Variants in AGPAT4 observed in about 807,000 individuals in gnomAD.
AGPAT4 encodes the protein 1-acylglycerol-3-phosphate O-acyltransferase 4, also known as 1-acyl-sn-glycerol-3-phosphate acyltransferase delta.
A neutral mutation model predicts 48.0 loss-of-function variants in AGPAT4; 15 were observed. That is an observed-to-expected ratio of 0.31 (90% CI 0.21 to 0.48). The LOEUF (loss-of-function observed/expected upper bound fraction) is 0.48, where lower values mean the gene tolerates loss of function less well. Among genes scored for constraint, AGPAT4 ranks in the 20% least tolerant of loss-of-function variants. The pLI is 0.99. For missense variants in AGPAT4, 314 were observed against 482.5 expected (o/e 0.65, Z 3.27); for synonymous variants, 178 against 198.7 (o/e 0.90, Z 0.88).
chr6:161,219,942 G>A lies in AGPAT4; in HGVS notation c.178+12094C>T, dbSNP rs13199502. Among the ~76,000 whole-genome samples, 47,249 of 141,826 alleles carry A rather than the reference G, an allele frequency of 0.33. 8,440 individuals carry two copies. The highest frequency in any genetic ancestry group is 0.4 in the Non-Finnish European group (26,854 of 66,732). The allele number at this position is 141,826 out of a possible 152,430, so 93.0% of individuals were successfully genotyped here. The stretch of plus-strand genomic sequence containing the variant: ...GGCAGGCAGGCAGGCAGGCAGGCAG[G>A]CAGGCAGACAGACAGACAGACAGAC... On this transcript the variant is annotated intron_variant, in intron 2 of 8. Transcript: ENST00000320285. This position sits in a 1 kb window ranked among gnomAD's most constrained non-coding sequence, Gnocchi z 4.9.
intron 1 of AGPAT4, among the ~76,000 whole-genome samples, chr6:161,268,944 G>C (rs551566949): frequency 6.6e-6 from 1 of 152,310 alleles, no homozygotes; most frequent in African/African-American, 2.4e-5. Flanking sequence ...ATGCACTGCT[G>C]TTACTATTAA....
At position 161,138,241 on chromosome 6, in the gene AGPAT4, A is replaced by C. The variant is rs985893751; in HGVS notation, c.1042+1181T>G. ...CCTTACACGGTGTGGGTGTTGTTTT[A>C]ATATTTTAATTTTTAACACTAAAAT... On this transcript the variant is annotated intron_variant, in intron 8 of 8. Transcript: ENST00000320285. This position sits in a 1 kb window ranked among gnomAD's most constrained non-coding sequence, Gnocchi z 4.8. Among the ~76,000 whole-genome samples the C allele has an allele frequency of 3.3e-5, 5 of 152,186 alleles. No homozygotes were observed. Among genetic ancestry groups the C allele is most frequent in the Non-Finnish European group, 5.9e-5 (4 of 68,026 alleles).
chr6:161,256,692 C>T (rs557417537), intron 1 of AGPAT4, among the ~76,000 whole-genome samples: 1 of 152,274 alleles, frequency 6.6e-6, no homozygotes, highest in East Asian at 1.9e-4. Context: ...TGTACACAGT[C>T]GACACTGACA....
rs1783258096 is a variant in AGPAT4, at chr6:161,266,134, G to A, written c.-90+7804C>T. Among the ~76,000 whole-genome samples, 1 of 152,114 alleles carries A rather than the reference G, an allele frequency of 6.6e-6. No individual in the cohort carries two copies. ...AAGTAGGAGTGGGGTGACTACTCCT[G>A]GCATGTAACAGTTAGAGGCCAGGAA... On this transcript the variant is annotated intron_variant, in intron 1 of 8. Transcript: ENST00000320285. The surrounding 1 kb of genome is among the most constrained non-coding windows in gnomAD (Gnocchi z 6.2).
chr6:161,165,882 G>A lies in AGPAT4; in HGVS notation c.348+366C>T. On this transcript the variant is annotated intron_variant, in intron 3 of 8. Transcript: ENST00000320285. This position sits in a 1 kb window ranked among gnomAD's most constrained non-coding sequence, Gnocchi z 5.5. Reference sequence around the variant, plus strand: ...AGCATGGAATTAAGAAATATGGATGGGAGTGAAATCCAAATCTAATTACAG... The same window carrying A: ...AGCATGGAATTAAGAAATATGGATGAGAGTGAAATCCAAATCTAATTACAG... 1.7e-6 allele frequency: 1 copy of A among 595,168 alleles called. No individual in the cohort carries two copies. The highest frequency in any genetic ancestry group is 2.0e-5 in the South Asian group (1 of 50,474). 36.9% of individuals were successfully genotyped at this position (595,168 alleles called of 1,614,324 possible).
rs779533228 is a variant in AGPAT4, at chr6:161,240,386, C to T, written c.-89-8084G>A. Reference sequence around the variant, plus strand: ...CAAGATCCCTTCCAAGTCAAACACACGGCTGCCCTCCCAAGGCAAGCTTTT... The same window carrying T: ...CAAGATCCCTTCCAAGTCAAACACATGGCTGCCCTCCCAAGGCAAGCTTTT... On this transcript the variant is annotated intron_variant, in intron 1 of 8. Coordinates refer to ENST00000320285, the MANE Select transcript of AGPAT4 (RefSeq NM_020133.3). This position sits in a 1 kb window ranked among gnomAD's most constrained non-coding sequence, Gnocchi z 5.5. Among the ~76,000 whole-genome samples the T allele has an allele frequency of 1.3e-5, 2 of 152,132 alleles. No individual in the cohort carries two copies. Among genetic ancestry groups the T allele is most frequent in the Non-Finnish European group, 2.9e-5 (2 of 68,002 alleles).
At chr6:161,273,416 A>G (rs1783487527) in intron 1 of AGPAT4, among the ~76,000 whole-genome samples, 1 of 152,218 alleles carries the variant, frequency 6.6e-6, no homozygotes, top group Non-Finnish European at 1.5e-5. Flanking sequence ...GCAGAGCAGA[A>G]AGCTGCAAAC....
intron 1 of AGPAT4, among the ~76,000 whole-genome samples, chr6:161,257,399 A>T (rs1431269376): frequency 6.6e-6 from 1 of 152,200 alleles, no homozygotes; most frequent in African/African-American, 2.4e-5. Context: ...CAGAAACTGG[A>T]TCACTGATTG....
At position 161,142,123 on chromosome 6, in the gene AGPAT4, G is replaced by GCCAAA. The variant is rs1779271564; in HGVS notation, c.844-2504_844-2503insTTTGG. Reference sequence around the variant, plus strand: ...CCTGCCTCAGCCTCCCAAAGTGTTGGGATTACAGGCGTGAGCCATTGCGCC... The same window carrying GCCAAA: ...CCTGCCTCAGCCTCCCAAAGTGTTGGCCAAAGATTACAGGCGTGAGCCATTGCGCC... On this transcript the variant is annotated intron_variant, in intron 7 of 8. Coordinates refer to ENST00000320285, the MANE Select transcript of AGPAT4 (RefSeq NM_020133.3). The surrounding 1 kb of genome is among the most constrained non-coding windows in gnomAD (Gnocchi z 6.4). 6.6e-6 allele frequency among the ~76,000 whole-genome samples: 1 copy of GCCAAA among 152,206 alleles called. No individual in the cohort carries two copies. Among genetic ancestry groups the GCCAAA allele is most frequent in the Non-Finnish European group, 1.5e-5 (1 of 68,040 alleles).
Position 161,236,742 on chromosome 6 carries a change from A to C in AGPAT4, c.-89-4440T>G, listed in dbSNP as rs1335415766. 6.8e-6 allele frequency among the ~76,000 whole-genome samples: 1 copy of C among 147,232 alleles called. No individual in the cohort carries two copies. The highest frequency in any genetic ancestry group is 1.5e-5 in the Non-Finnish European group (1 of 66,666). The stretch of plus-strand genomic sequence containing the variant: ...AAACCCCATCTCCACTAAAAATACA[A>C]AAAAAAAAAAATAGCTGGATGTGGT... On this transcript the variant is annotated intron_variant, in intron 1 of 8. Coordinates refer to ENST00000320285, the MANE Select transcript of AGPAT4 (RefSeq NM_020133.3). The surrounding 1 kb of genome is among the most constrained non-coding windows in gnomAD (Gnocchi z 5.0).
Position 161,178,034 on chromosome 6 carries a change from G to T in AGPAT4, c.179-11617C>A, listed in dbSNP as rs536855127. On this transcript the variant is annotated intron_variant, in intron 2 of 8. Transcript: ENST00000320285. This position sits in a 1 kb window ranked among gnomAD's most constrained non-coding sequence, Gnocchi z 5.1. ...AAAGCTTCGTCTCAGAGGGGCACCT[G>T]ACTGTATGTGGTGTCAAATGGCCCC... 1.8e-4 allele frequency among the ~76,000 whole-genome samples: 28 copies of T among 152,330 alleles called. No homozygotes were observed. Among genetic ancestry groups the T allele is most frequent in the African/African-American group, 6.3e-4 (26 of 41,584 alleles).
chr6:161,182,280 CA>C (rs1166996423), intron 2 of AGPAT4, among the ~76,000 whole-genome samples: 11 of 149,400 alleles, frequency 7.4e-5, no homozygotes, highest in Admixed American at 5.3e-4. Flanking sequence ...CTCATCCCAG[CA>C]CCTCATCCCA....
chr6:161,192,632 C>T (rs1780958682), intron 2 of AGPAT4, among the ~76,000 whole-genome samples: 1 of 152,066 alleles, frequency 6.6e-6, no homozygotes, highest in South Asian at 2.1e-4. Flanking sequence ...ATTCTTGTAT[C>T]TCAGGTCATC....
intron 1 of AGPAT4, among the ~76,000 whole-genome samples, chr6:161,258,162 T>C (rs1338046045): frequency 3.3e-5 from 5 of 152,170 alleles, no homozygotes; most frequent in Non-Finnish European, 5.9e-5. Flanking sequence ...ATGACACTTT[T>C]TTTCCTCCAT....
chr6:161,151,469 G>C (rs542898331), intron 5 of AGPAT4, among the ~76,000 whole-genome samples: 24 of 152,366 alleles, frequency 1.6e-4, no homozygotes, highest in Admixed American at 1.5e-3. Context: ...GCCCAACCCA[G>C]AGGGGATGGA....
At chr6:161,203,512 C>T (rs370144348) in intron 2 of AGPAT4, among the ~76,000 whole-genome samples, 12 of 151,900 alleles carry the variant, frequency 7.9e-5, no homozygotes, top group Non-Finnish European at 1.5e-4. Context: ...CCCCGGCCCC[C>T]CAAGAAGCTG....
rs766348137 is a variant in AGPAT4 at position 161,144,233 on chromosome 6, C to T, written c.843+2291G>A. On this transcript the variant is annotated intron_variant, in intron 7 of 8. Coordinates refer to ENST00000320285, the MANE Select transcript of AGPAT4 (RefSeq NM_020133.3). The surrounding 1 kb of genome is among the most constrained non-coding windows in gnomAD (Gnocchi z 6.6). ...AGCCTCCCAGGCCTGCTCACAGACA[C>T]ATACTGCTTAGAGAACTCGGTGTCG... The T allele has an allele frequency of 4.2e-5, 22 of 528,652 alleles. No homozygotes were observed. The highest frequency in any genetic ancestry group is 3.1e-5 in the Non-Finnish European group (8 of 257,842). The allele number at this position is 528,652 out of a possible 1,614,324, so 32.7% of individuals were successfully genotyped here.
At position 161,158,161 on chromosome 6, in the gene AGPAT4, G is replaced by A. The variant is rs1779813725; in HGVS notation, c.349-3851C>T. ...ATTTAAGCACAACTGAAGAGTCACT[G>A]TGCACAGACAGTTGCCCAAGTTAAC... is the stretch of plus-strand genomic sequence containing the variant. On this transcript the variant is annotated intron_variant, in intron 3 of 8. Transcript: ENST00000320285. The surrounding 1 kb of genome is among the most constrained non-coding windows in gnomAD (Gnocchi z 5.3). Among the ~76,000 whole-genome samples, 1 of 152,288 alleles carries A rather than the reference G, an allele frequency of 6.6e-6. No individual in the cohort carries two copies. The highest frequency in any genetic ancestry group is 2.1e-4 in the South Asian group (1 of 4,830).
Position 161,206,731 on chromosome 6 carries a change from AT to A in AGPAT4, c.178+25304del, listed in dbSNP as rs1407478081. 6.6e-6 allele frequency among the ~76,000 whole-genome samples: 1 copy of A among 152,256 alleles called. No individual in the cohort carries two copies. The highest frequency in any genetic ancestry group is 1.5e-5 in the Non-Finnish European group (1 of 68,042). On this transcript the variant is annotated intron_variant, in intron 2 of 8. Coordinates refer to ENST00000320285, the MANE Select transcript of AGPAT4 (RefSeq NM_020133.3). This position sits in a 1 kb window ranked among gnomAD's most constrained non-coding sequence, Gnocchi z 4.8. ...CTGGGATGACACAGACATGGAAGAT[AT>A]TTAAGAAGAATTTTTAAATGGCCAT...
Sources: allele counts gnomAD v4.1 joint callset (sites outside exome capture counted in the v4.1 genomes callset), GRCh38; gene constraint gnomAD v4.1.1; non-coding constraint Gnocchi (gnomAD v3.1); transcripts MANE v1.5; gene names NCBI Gene and HGNC (gene_info 2026-07-23, HGNC 2026-07-21).